Variants in EIF2S3B observed in about 807,000 individuals in gnomAD.
The protein encoded by EIF2S3B is eukaryotic translation initiation factor 2 subunit gamma B, also known as eukaryotic translation initiation factor 2 subunit 3B.
A neutral mutation model predicts 26.4 loss-of-function variants in EIF2S3B; 16 were observed. The ratio of observed to expected loss-of-function variants is 0.61; its 90% CI spans 0.41 to 0.92. The LOEUF is 0.92. EIF2S3B is among the 40% of genes least tolerant of loss of function. The pLI, the probability that EIF2S3B is intolerant of heterozygous loss-of-function variation, is 0.00. For synonymous variants in EIF2S3B, 183 were observed against 204.4 expected, an observed-to-expected ratio of 0.90 and a Z score of 0.89; for missense variants, 510 against 575.5, an observed-to-expected ratio of 0.89 and a Z score of 1.16.
chr12:10,520,118 C>A (rs1276567591), intron 1 of EIF2S3B, among the ~76,000 whole-genome samples: 8 of 148,336 alleles, frequency 5.4e-5, no homozygotes, highest in Admixed American at 1.3e-4. Flanking sequence ...CCCAAATGTC[C>A]AACAATGATA....
In EIF2S3B at chr12:10,506,146, G is replaced by C. The variant is rs949799953; in HGVS notation, c.244G>C (p.Gly82Arg). 3.8e-6 allele frequency: 6 copies of C among 1,578,414 alleles called. No homozygotes were observed. Among genetic ancestry groups the C allele is most frequent in the Non-Finnish European group, 5.2e-6 (6 of 1,147,424 alleles). The change falls in exon 1 of 1, where the codon GGA becomes CGA. Residue 82 changes from glycine (G) to arginine (R), a missense_variant. Physicochemically the swap from Gly to Arg is moderately radical, Grantham distance 125. Transcript: ENST00000538173. Reference protein sequence around the residue: ...ELERNITIKLGYANAKIYQLD... With the variant: ...ELERNITIKLRYANAKIYQLD... ...AGAAAGAAATATTACAATCAAGCTT[G>C]GATATGCTAATGCTAAGATTTATCA...
At chr12:10,518,383 T>C (rs1445296946) in intron 1 of EIF2S3B, among the ~76,000 whole-genome samples, 1 of 152,174 alleles carries the variant, frequency 6.6e-6, no homozygotes, top group Non-Finnish European at 1.5e-5. Flanking sequence ...TTGATCTTTG[T>C]TGGTTTAAAG....
chr12:10,519,125 T>C (rs1273120553), intron 1 of EIF2S3B, among the ~76,000 whole-genome samples: 1 of 151,994 alleles, frequency 6.6e-6, no homozygotes, highest in African/African-American at 2.4e-5. Flanking sequence ...AAGGCTACAG[T>C]AACCAAAACA....
At chr12:10,514,538 CAG>C (rs1864736142) in intron 1 of EIF2S3B, among the ~76,000 whole-genome samples, 3 of 152,186 alleles carry the variant, frequency 2.0e-5, no homozygotes, top group Admixed American at 1.3e-4. Context: ...TCTGGAGACA[CAG>C]ACCAATTCTT....
chr12:10,508,312 A>G lies in EIF2S3B; in HGVS notation c.*991A>G, dbSNP rs887321184. ...ATCTCCCTCTCCCTGTGATGCCTTGAGATGTTTTTCTGCATTGTTTTATGC... is the reference window on the plus strand; with the variant it reads ...ATCTCCCTCTCCCTGTGATGCCTTGGGATGTTTTTCTGCATTGTTTTATGC... On this transcript the variant is annotated 3_prime_UTR_variant, in exon 1 of 1. Coordinates refer to ENST00000538173, the MANE Select transcript of EIF2S3B (RefSeq NM_001357734.3). 5.9e-5 allele frequency among the ~76,000 whole-genome samples: 9 copies of G among 152,084 alleles called. No individual in the cohort carries two copies. Among genetic ancestry groups the G allele is most frequent in the African/African-American group, 1.9e-4 (8 of 41,414 alleles).
At position 10,507,488 on chromosome 12, in the gene EIF2S3B, CT is replaced by C; in HGVS notation, c.*169del. The C allele has an allele frequency of 4.0e-6, 3 of 755,150 alleles. No individual in the cohort carries two copies. Among genetic ancestry groups the C allele is most frequent in the Non-Finnish European group, 6.3e-6 (3 of 473,264 alleles). 46.8% of individuals were successfully genotyped at this position (755,150 alleles called of 1,614,324 possible). A position where few individuals can be genotyped will look rare whatever the true frequency, so the allele number is the denominator to read the frequency against. On this transcript the variant is annotated 3_prime_UTR_variant, in exon 1 of 1. Coordinates refer to ENST00000538173, the MANE Select transcript of EIF2S3B (RefSeq NM_001357734.3). ...CTCTTTTTTTTTTTGGTTATGAAAA[CT>C]TAGGGACTACAATTAGTATAAAAAT...
At chr12:10,516,248 T>C (rs1314399161) in intron 1 of EIF2S3B, among the ~76,000 whole-genome samples, 4 of 152,024 alleles carry the variant, frequency 2.6e-5, no homozygotes, top group Non-Finnish European at 4.4e-5. Flanking sequence ...GTTCCACAGT[T>C]ATAGTGTCTC....
chr12:10,519,272 T>G (rs1454909538), intron 1 of EIF2S3B, among the ~76,000 whole-genome samples: 2 of 152,164 alleles, frequency 1.3e-5, no homozygotes, highest in African/African-American at 4.8e-5. Flanking sequence ...GATTCCCTAT[T>G]TAATAAATGG....
chr12:10,521,813 A>C (rs1038753554), intron 1 of EIF2S3B, among the ~76,000 whole-genome samples: 1 of 152,200 alleles, frequency 6.6e-6, no homozygotes. Context: ...GCAACCTGAA[A>C]GTCATAATCT....
chr12:10,509,106 A>C (rs11053827), downstream of EIF2S3B, among the ~76,000 whole-genome samples: 28,674 of 151,966 alleles, frequency 0.19, 3,332 homozygotes, highest in Middle Eastern at 0.28. Flanking sequence ...ATTTCTCTAT[A>C]TCTATTGTTA....
At chr12:10,508,898 A>G (rs1591633715), downstream of EIF2S3B, among the ~76,000 whole-genome samples, 2 of 152,142 alleles carry the variant, frequency 1.3e-5, no homozygotes, top group East Asian at 1.9e-4. Context: ...AATCTCTTAT[A>G]TGTTAAAGCA....
intron 1 of EIF2S3B, among the ~76,000 whole-genome samples, chr12:10,518,798 A>C (rs1428239118): frequency 6.6e-6 from 1 of 151,874 alleles, no homozygotes; most frequent in Non-Finnish European, 1.5e-5. Flanking sequence ...AATCCAACTT[A>C]CAAGGGATGT....
At chr12:10,512,760 T>C (rs1864718273), downstream of EIF2S3B, among the ~76,000 whole-genome samples, 2 of 152,142 alleles carry the variant, frequency 1.3e-5, no homozygotes, top group Admixed American at 6.6e-5. Context: ...TCTATTATCA[T>C]TTTTCCTCTA....
downstream of EIF2S3B, among the ~76,000 whole-genome samples, chr12:10,510,464 A>G (rs532032236): frequency 6.6e-6 from 1 of 152,300 alleles, no homozygotes; most frequent in Admixed American, 6.5e-5. Context: ...TCTCATTCCA[A>G]GTTTTCTCTT....
At chr12:10,520,778 A>G (rs1044575450) in intron 1 of EIF2S3B, among the ~76,000 whole-genome samples, 1 of 152,182 alleles carries the variant, frequency 6.6e-6, no homozygotes, top group African/African-American at 2.4e-5. Flanking sequence ...TTCGAACAGC[A>G]TAATTCTTCA....
Position 10,518,869 on chromosome 12 carries a change from G to C in EIF2S3B, c.1309-3734G>C, listed in dbSNP as rs371722344. Among the ~76,000 whole-genome samples the C allele has an allele frequency of 3.9e-3, 597 of 152,004 alleles. 1 individual carries two copies. The highest frequency in any genetic ancestry group is 6.4e-3 in the Non-Finnish European group (435 of 67,906). ...TCAAGGAAATAAAAGAGGACACAAA[G>C]AAATGGAAGAACATTCCATGCTCAT... On this transcript the variant is annotated intron_variant, in intron 1 of 1. Transcript: ENST00000322446.
At chr12:10,522,351 A>G (rs1017514502) in intron 1 of EIF2S3B, among the ~76,000 whole-genome samples, 4 of 152,196 alleles carry the variant, frequency 2.6e-5, no homozygotes, top group African/African-American at 9.6e-5. Flanking sequence ...ATATTTAAAT[A>G]AATAAAAAAT....
At chr12:10,523,076 C>A in exon 2 of EIF2S3B, 1 of 151,978 alleles carries the variant, frequency 6.6e-6, no homozygotes, top group Non-Finnish European at 1.5e-5. Flanking sequence ...TATGATGTGT[C>A]CTAATTTAAT....
chr12:10,521,128 A>G (rs1591637614), intron 1 of EIF2S3B, among the ~76,000 whole-genome samples: 1 of 152,170 alleles, frequency 6.6e-6, no homozygotes, highest in African/African-American at 2.4e-5. Context: ...ATTAGTCCCA[A>G]GTGATAACCA....
Sources: allele counts gnomAD v4.1 joint callset (sites outside exome capture counted in the v4.1 genomes callset), GRCh38; gene constraint gnomAD v4.1.1; transcripts MANE v1.5; gene names NCBI Gene and HGNC (gene_info 2026-07-23, HGNC 2026-07-21).